AUTS2: variants seen among roughly 807,000 people sequenced by gnomAD.
The protein encoded by AUTS2 is autism susceptibility gene 2 protein.
AUTS2 carries 17 observed loss-of-function variants against 112.4 expected under a neutral mutation model. The ratio of observed to expected loss-of-function variants is 0.15; its 90% CI spans 0.10 to 0.23. AUTS2 has a LOEUF of 0.23. Among genes scored for constraint, AUTS2 ranks in the 10% least tolerant of loss-of-function variants. The pLI, the probability that AUTS2 is intolerant of heterozygous loss-of-function variation, is 1.00. For synonymous variants in AUTS2, 751 were observed against 702.7 expected (o/e 1.07, Z -1.09); for missense variants, 1,510 against 1,701.6 (o/e 0.89, Z 1.98).
chr7:70,513,243 A>T (rs1473165228), intron 5 of AUTS2, among the ~76,000 whole-genome samples: 3 of 152,216 alleles, frequency 2.0e-5, no homozygotes, highest in African/African-American at 7.2e-5. Flanking sequence ...CACTGAAACA[A>T]TTAATCAAGA....
chr7:70,274,248 C>T (rs1787826565), intron 4 of AUTS2, among the ~76,000 whole-genome samples: 1 of 151,926 alleles, frequency 6.6e-6, no homozygotes, highest in African/African-American at 2.4e-5. Flanking sequence ...TTCTTTCTCT[C>T]CCTCTTTCCT....
At chr7:70,715,749 C>T (rs1810331486) in intron 6 of AUTS2, among the ~76,000 whole-genome samples, 1 of 152,122 alleles carries the variant, frequency 6.6e-6, no homozygotes, top group African/African-American at 2.4e-5. Flanking sequence ...CCAGGCTGGT[C>T]TCCAACCCCT....
At chr7:70,240,171 A>G (rs1184690626) in intron 4 of AUTS2, among the ~76,000 whole-genome samples, 1 of 152,190 alleles carries the variant, frequency 6.6e-6, no homozygotes, top group Non-Finnish European at 1.5e-5. Flanking sequence ...GTGGTAGGCT[A>G]TAGAAGGAGA....
intron 5 of AUTS2, among the ~76,000 whole-genome samples, chr7:70,526,930 A>G (rs1799865356): frequency 6.6e-6 from 1 of 152,178 alleles, no homozygotes; most frequent in African/African-American, 2.4e-5. Flanking sequence ...GGCTGCACTC[A>G]CTGAATGTTT....
At chr7:69,729,761 C>G (rs1265461413) in intron 1 of AUTS2, among the ~76,000 whole-genome samples, 2 of 152,032 alleles carry the variant, frequency 1.3e-5, no homozygotes, top group African/African-American at 4.8e-5. Context: ...ACAGTTTACA[C>G]TGTATATGAT....
intron 4 of AUTS2, among the ~76,000 whole-genome samples, chr7:70,342,919 T>C (rs990633246): frequency 6.6e-6 from 1 of 152,148 alleles, no homozygotes; most frequent in African/African-American, 2.4e-5. Flanking sequence ...GTTCTAAAGT[T>C]GGAAAAGACC....
chr7:69,655,063 C>T (rs1795461538), intron 1 of AUTS2, among the ~76,000 whole-genome samples: 1 of 152,144 alleles, frequency 6.6e-6, no homozygotes, highest in Admixed American at 6.5e-5. Context: ...TAAAACAAGG[C>T]ACTCTTCAGC....
rs115206735 is a variant in AUTS2 at position 70,248,481 on chromosome 7, A to T, written c.660+113910A>T. Among the ~76,000 whole-genome samples the T allele has an allele frequency of 6.2e-3, 938 of 152,128 alleles. 10 individuals carry two copies. The highest frequency in any genetic ancestry group is 0.02 in the African/African-American group (814 of 41,478). On this transcript the variant is annotated intron_variant, in intron 4 of 18. Transcript: ENST00000342771. ...GTACTATATAGATTGATTTTTTTTA[A>T]AATTTTTTTCTCAGACCTCACAGGG...
chr7:70,107,956 A>T (rs956560161), intron 2 of AUTS2, among the ~76,000 whole-genome samples: 2 of 151,120 alleles, frequency 1.3e-5, no homozygotes, highest in African/African-American at 4.9e-5. Flanking sequence ...GCTTGCAGTG[A>T]GCTGAGATTA....
chr7:70,192,895 T>G (rs920951206), intron 4 of AUTS2, among the ~76,000 whole-genome samples: 3 of 152,152 alleles, frequency 2.0e-5, no homozygotes, highest in African/African-American at 7.2e-5. Context: ...CTCCTTGCAT[T>G]TGTTGTATCT....
rs142406334 is a variant in AUTS2, at chr7:69,934,009, A to G, written c.522+34511A>G. Among the ~76,000 whole-genome samples the G allele has an allele frequency of 6.9e-3, 1,058 of 152,344 alleles. 15 individuals are homozygous for G. The highest frequency in any genetic ancestry group is 0.024 in the African/African-American group (991 of 41,578). ...TGGTTTGTACTGTTCTCGAATTTTTATGTAAAGGTCTAGTTTAGAGATTTA... is the reference window on the plus strand; with the variant it reads ...TGGTTTGTACTGTTCTCGAATTTTTGTGTAAAGGTCTAGTTTAGAGATTTA... On this transcript the variant is annotated intron_variant, in intron 2 of 18. Transcript: ENST00000342771.
Position 69,637,459 on chromosome 7 carries a change from T to G in AUTS2, c.309+37497T>G, listed in dbSNP as rs141474599. Among the ~76,000 whole-genome samples, 575 of 152,322 alleles carry G rather than the reference T, an allele frequency of 3.8e-3. 3 individuals are homozygous for G. Among genetic ancestry groups the G allele is most frequent in the Middle Eastern group, 0.01 (3 of 294 alleles). The stretch of plus-strand genomic sequence containing the variant: ...TTGCCCCTGAAATTTACGTCAGCCT[T>G]ATAATCTTCTGTTCCCAGTATCAGG... On this transcript the variant is annotated intron_variant, in intron 1 of 18. Coordinates refer to ENST00000342771, the MANE Select transcript of AUTS2 (RefSeq NM_015570.4).
At chr7:70,697,269 A>G (rs955268541) in intron 5 of AUTS2, among the ~76,000 whole-genome samples, 2 of 152,236 alleles carry the variant, frequency 1.3e-5, no homozygotes, top group African/African-American at 4.8e-5. Context: ...AACTGCATGT[A>G]TAAATGTATG....
At chr7:70,147,000 C>A (rs141262753) in intron 4 of AUTS2, among the ~76,000 whole-genome samples, 2 of 151,802 alleles carry the variant, frequency 1.3e-5, no homozygotes, top group Non-Finnish European at 1.5e-5. Flanking sequence ...ATGTCAAAAC[C>A]ATCTATTTAT....
At chr7:70,571,406 C>T (rs944543239) in intron 5 of AUTS2, among the ~76,000 whole-genome samples, 48 of 152,164 alleles carry the variant, frequency 3.2e-4, no homozygotes, top group African/African-American at 1.2e-3. Context: ...CCTAGCTGTG[C>T]CATATAACTC....
At chr7:70,777,877 T>A (rs1158503137) in intron 14 of AUTS2, among the ~76,000 whole-genome samples, 1 of 152,186 alleles carries the variant, frequency 6.6e-6, no homozygotes, top group African/African-American at 2.4e-5. Context: ...GGTTTGGGTT[T>A]TTGTAAAAAT....
chr7:70,553,526 G>A (rs564401443), intron 5 of AUTS2, among the ~76,000 whole-genome samples: 125 of 152,206 alleles, frequency 8.2e-4, no homozygotes, highest in Non-Finnish European at 1.3e-3. Flanking sequence ...GTCTCACAAG[G>A]CAGGCAGCCA....
chr7:69,752,395 G>A (rs542102042), intron 1 of AUTS2, among the ~76,000 whole-genome samples: 2 of 152,166 alleles, frequency 1.3e-5, no homozygotes, highest in African/African-American at 4.8e-5. Flanking sequence ...GAATAATATA[G>A]GAATTAGTCT....
At chr7:69,754,527 A>C (rs546903739) in intron 1 of AUTS2, among the ~76,000 whole-genome samples, 1 of 152,244 alleles carries the variant, frequency 6.6e-6, no homozygotes, top group East Asian at 1.9e-4. Flanking sequence ...TGCTCATGGC[A>C]TGGTAGAAGA....
Sources: allele counts gnomAD v4.1 joint callset (sites outside exome capture counted in the v4.1 genomes callset), GRCh38; gene constraint gnomAD v4.1.1; transcripts MANE v1.5; gene names NCBI Gene and HGNC (gene_info 2026-07-23, HGNC 2026-07-21).